Variants in OPLAH observed in about 807,000 individuals in gnomAD.
OPLAH encodes the protein 5-oxoprolinase.
OPLAH carries 103 observed loss-of-function variants against 122.8 expected under a neutral mutation model. The observed-to-expected ratio is 0.84, with a 90% confidence interval of 0.71 to 0.99. OPLAH has a LOEUF of 0.99. Among genes scored for constraint, OPLAH ranks in the 50% least tolerant of loss-of-function variants. The probability of loss-of-function intolerance (pLI) is 0.00; values close to 1 mark genes in which losing one functional copy is unlikely to be tolerated. For synonymous variants in OPLAH, 875 were observed against 796.0 expected (o/e 1.10, Z -1.67); for missense variants, 1,902 against 1,836.5 (o/e 1.04, Z -0.65).
rs782328498 is a variant in OPLAH at position 144,057,432 on chromosome 8, G to A, written c.1422+16C>T. ...GGCTGGGGGCAGGACAGGCGGGAGA[G>A]CAGAGGTGGACGTACCTGCGTGAGT... On this transcript the variant is annotated intron_variant, in intron 10 of 26. Transcript: ENST00000618853. 52 of 1,582,660 alleles carry A rather than the reference G, an allele frequency of 3.3e-5. No individual in the cohort carries two copies. Among genetic ancestry groups the A allele is most frequent in the Admixed American group, 1.1e-4 (6 of 54,840 alleles).
Position 144,055,149 on chromosome 8 carries a change from G to A in OPLAH, c.2289C>T (p.Thr763=), listed in dbSNP as rs782118457. The change falls in exon 17 of 27, where the codon ACC becomes ACT. Residue 763 remains threonine, a synonymous_variant. Transcript: ENST00000618853. This position sits in a 1 kb window ranked among gnomAD's most constrained non-coding sequence, Gnocchi z 6.5. The part of the protein sequence containing the change: ...GRILQRTAIS[T]NIKERLDFSC... ...AGAAGTCCAGACGCTCCTTGATGTT[G>A]GTGGAGATGGCTGTGCGCTGCAGGA... 5.7e-6 allele frequency: 9 copies of A among 1,577,950 alleles called. No homozygotes were observed. The highest frequency in any genetic ancestry group is 8.6e-7 in the Non-Finnish European group (1 of 1,162,982).
At chr8:144,057,396 G>T (rs1554759548) in intron 10 of OPLAH, 52 bp downstream of exon 10, 1 of 1,584,566 alleles carries the variant, frequency 6.3e-7, no homozygotes, top group Admixed American at 1.8e-5. Context: ...GAGGCCTGGG[G>T]CAGGGAGCAG....
chr8:144,057,877 C>G lies in OPLAH; in HGVS notation c.1135G>C (p.Gly379Arg). The change falls in exon 9 of 27, where the codon GGA becomes CGA. Residue 379 changes from glycine to arginine, a missense_variant. Gly to Arg is a moderately radical substitution (Grantham distance 125). Around this residue, in one of 3 missense-constraint regions of OPLAH, gnomAD observed 1,726 missense variants for 1,642.1 expected, o/e 1.05. Transcript: ENST00000618853. Reference protein sequence around the residue: ...VGPESAGAHPGPACYRKGGPV... With the variant: ...VGPESAGAHPRPACYRKGGPV... ...TTACCTTTGCGGTAGCAGGCGGGTCCTGGGTGGGCTCCTGCTGACTCGGGC... is the reference window on the plus strand; with the variant it reads ...TTACCTTTGCGGTAGCAGGCGGGTCGTGGGTGGGCTCCTGCTGACTCGGGC... 6.2e-7 allele frequency: 1 copy of G among 1,611,980 alleles called. No individual in the cohort carries two copies. The highest frequency in any genetic ancestry group is 1.3e-5 in the African/African-American group (1 of 75,006).
upstream of OPLAH, among the ~76,000 whole-genome samples, chr8:144,061,694 C>T (rs1587571620): frequency 6.6e-6 from 1 of 152,326 alleles, no homozygotes; most frequent in South Asian, 2.1e-4. Flanking sequence ...TAATAATCCA[C>T]CCCTCGTTTA....
chr8:144,058,348 G>A lies in OPLAH; in HGVS notation c.840C>T (p.Phe280=). The part of the protein sequence containing the change: ...SDGGLAPMDT[F]SGSSAVLSGP... ...CCGAGAGCACAGCACTGGAGCCGCT[G>A]AAGGTGTCCATGGGCGCCAGGCCGC... Residue 280 remains phenylalanine, a synonymous_variant, in exon 7 of 27, where the codon TTC becomes TTT. Transcript: ENST00000618853. 1 of 1,598,064 alleles carries A rather than the reference G, an allele frequency of 6.3e-7. No homozygotes were observed. The highest frequency in any genetic ancestry group is 8.5e-7 in the Non-Finnish European group (1 of 1,174,886).
At chr8:144,060,819 C>G (rs997451297), upstream of OPLAH, 1 of 152,276 alleles carries the variant, frequency 6.6e-6, no homozygotes, top group South Asian at 2.1e-4. Flanking sequence ...CCCGCGCCTC[C>G]GTCCTCGCCC....
chr8:144,051,858 CA>C (rs1176635503), intron 25 of OPLAH, 32 bp from the exon 26 acceptor site: 29 of 693,026 alleles, frequency 4.2e-5, no homozygotes, highest in Non-Finnish European at 4.9e-5. Flanking sequence ...CCAGAGAGAC[CA>C]GGGGCGGGGG....
rs781860586 is a variant in OPLAH at position 144,056,408 on chromosome 8, T to C, written c.1960A>G (p.Thr654Ala). 3.1e-6 allele frequency: 5 copies of C among 1,607,610 alleles called. No individual in the cohort carries two copies. Among genetic ancestry groups the C allele is most frequent in the Middle Eastern group, 1.7e-4 (1 of 6,054 alleles). ...LRLEDAPKAQ[T>A]GPPRVDKMTQ... ...ACCTTGTCCACCCGGGGAGGCCCGG[T>C]CTGGGCTTTGGGGGCATCCTCGAGG... The change falls in exon 14 of 27, where the codon ACC becomes GCC. Residue 654 changes from threonine (T) to alanine (A), a missense_variant. This residue lies in a region of OPLAH where 1,726 missense variants were observed against 1,642.1 expected (regional missense o/e 1.05). Coordinates refer to ENST00000618853, the MANE Select transcript of OPLAH (RefSeq NM_017570.5).
Position 144,052,224 on chromosome 8 carries a change from CA to C in OPLAH, c.3405del (p.Val1136CysfsTer5), listed in dbSNP as rs782063127. ...GAGPSWHGRS[G>X]VHSHMTNTRI... is the part of the protein sequence containing the mutation. ...CGTGTGTTGGTCATGTGGCTGTGCA[CA>C]CCGCTGCGCCCGTGCCAGCTGGGAC... is the stretch of plus-strand genomic sequence containing the variant. On this transcript the variant is annotated frameshift_variant, in exon 24 of 27. Transcript: ENST00000618853. LOFTEE classifies it high-confidence loss of function. 2 of 1,571,724 alleles carry C rather than the reference CA, an allele frequency of 1.3e-6. No homozygotes were observed. The highest frequency in any genetic ancestry group is 2.3e-5 in the South Asian group (2 of 87,576).
chr8:144,054,377 G>T (rs138228326), intron 19 of OPLAH, among the ~76,000 whole-genome samples, 184 bp downstream of exon 19: 3 of 152,278 alleles, frequency 2.0e-5, no homozygotes, highest in Non-Finnish European at 4.4e-5. Context: ...GGCCCAGGCT[G>T]AATTCATCTC....
rs1564289787 is a variant in OPLAH at position 144,054,821 on chromosome 8, AAC to A, written c.2500_2501del (p.Val834TyrfsTer127). ...AGGSHLPDLT[V>X]ITPVFWPGQT... Reference sequence around the variant, plus strand: ...GGGCAGCACCCCTCACCGGTGTGATAACAGTCAGGTCTGGCAGGTGGCTGCCC... The same window carrying A: ...GGGCAGCACCCCTCACCGGTGTGATAAGTCAGGTCTGGCAGGTGGCTGCCC... On this transcript the variant is annotated frameshift_variant, in exon 18 of 27. Coordinates refer to ENST00000618853, the MANE Select transcript of OPLAH (RefSeq NM_017570.5). LOFTEE classifies it high-confidence loss of function. 6.2e-7 allele frequency: 1 copy of A among 1,612,252 alleles called. No homozygotes were observed.
At chr8:144,054,999 G>T in intron 17 of OPLAH, 30 bp downstream of exon 17, 4 of 704,272 alleles carry the variant, frequency 5.7e-6, no homozygotes, top group Non-Finnish European at 8.7e-6. Context: ...GAGGGAGGGG[G>T]ATGGAAGGGT....
At chr8:144,061,548 T>C (rs1330044062), upstream of OPLAH, among the ~76,000 whole-genome samples, 1 of 150,754 alleles carries the variant, frequency 6.6e-6, no homozygotes, top group Non-Finnish European at 1.5e-5. Flanking sequence ...CTGTATCTGA[T>C]AAAACAGGTT....
rs782160224 is a variant in OPLAH at position 144,055,205 on chromosome 8, GA to G, written c.2249-17del. ...CCCATCTGCTCTAGGAGCACAAAGT[GA>G]CCAGGCCCGCTGGCCCCACCCACCC... On this transcript the variant is annotated splice_polypyrimidine_tract_variant and intron_variant, in intron 16 of 26. Coordinates refer to ENST00000618853, the MANE Select transcript of OPLAH (RefSeq NM_017570.5). This position sits in a 1 kb window ranked among gnomAD's most constrained non-coding sequence, Gnocchi z 6.5. 1 of 1,497,052 alleles carries G rather than the reference GA, an allele frequency of 6.7e-7. No individual in the cohort carries two copies. The highest frequency in any genetic ancestry group is 2.4e-5 in the East Asian group (1 of 42,300). The allele number at this position is 1,497,052 out of a possible 1,614,324, so 92.7% of individuals were successfully genotyped here.
intron 26 of OPLAH, 124 bp from the exon 27 acceptor site, chr8:144,051,596 G>T: frequency 1.7e-6 from 2 of 1,161,320 alleles, no homozygotes; most frequent in South Asian, 1.5e-5. Flanking sequence ...ACGGAGGCCC[G>T]GTACGCGCCC....
upstream of OPLAH, among the ~76,000 whole-genome samples, chr8:144,060,870 T>C (rs1228434439): frequency 6.6e-6 from 1 of 152,202 alleles, no homozygotes; most frequent in Non-Finnish European, 1.5e-5. Flanking sequence ...AAGGGCACCT[T>C]GGCTCTGCGG....
Position 144,053,380 on chromosome 8 carries a change from G to A in OPLAH, c.2700C>T (p.Ala900=). The change falls in exon 20 of 27, where the codon GCC becomes GCT. Residue 900 remains alanine (A), a synonymous_variant. Transcript: ENST00000618853. ...TGGGGACCTTGCCTGGCGCCCGCAG[G>A]GCCTCCGTCACCGCTGGATGGACAG... ...GVFQEEAVTE[A]LRAPGKVPNC... is the part of the protein sequence containing the mutation. 3 of 1,610,836 alleles carry A rather than the reference G, an allele frequency of 1.9e-6. No homozygotes were observed. The highest frequency in any genetic ancestry group is 1.3e-5 in the African/African-American group (1 of 74,988).
At chr8:144,054,239 A>G (rs901126009) in intron 19 of OPLAH, among the ~76,000 whole-genome samples, 1 of 151,576 alleles carries the variant, frequency 6.6e-6, no homozygotes, top group African/African-American at 2.4e-5. Flanking sequence ...TGCGGACCCC[A>G]CCCAGTATGA....
rs1554759721 is a variant in OPLAH at position 144,057,839 on chromosome 8, C to T, written c.1156+17G>A. The T allele has an allele frequency of 1.2e-6, 2 of 1,608,860 alleles. No homozygotes were observed. The highest frequency in any genetic ancestry group is 2.7e-5 in the African/African-American group (2 of 74,944). On this transcript the variant is annotated intron_variant, in intron 9 of 26. Transcript: ENST00000618853. ...AAGCGGAGGGCAAGGCCAGGCCGGCCAGATCCTGACTCTTACCTTTGCGGT... is the reference window on the plus strand; with the variant it reads ...AAGCGGAGGGCAAGGCCAGGCCGGCTAGATCCTGACTCTTACCTTTGCGGT...
Sources: gnomAD v4.1 joint callset for allele counts (sites outside exome capture counted in the v4.1 genomes callset) on GRCh38, gnomAD v4.1.1 for gene constraint, gnomAD v4.1.1 regional missense constraint, Gnocchi (gnomAD v3.1) non-coding constraint, MANE v1.5 for transcripts, NCBI Gene and HGNC (gene_info 2026-07-23, HGNC 2026-07-21) for gene names.